AVL9: variants seen among roughly 807,000 people sequenced by gnomAD.
The protein encoded by AVL9 is AVL9 cell migration associated, also known as late secretory pathway protein AVL9 homolog.
A neutral mutation model predicts 79.2 loss-of-function variants in AVL9; 49 were observed. The observed-to-expected ratio is 0.62, with a 90% CI of 0.49 to 0.79. The LOEUF is 0.79. Ranked by LOEUF, AVL9 falls within the 30% of genes least tolerant of loss-of-function variation. The pLI is 0.00. For missense variants in AVL9, 682 were observed against 776.8 expected (o/e 0.88, Z 1.45); for synonymous variants, 299 against 280.6 (o/e 1.07, Z -0.65).
intron 2 of AVL9, among the ~76,000 whole-genome samples, chr7:32,544,010 C>T (rs1333485326): frequency 2.0e-5 from 3 of 151,950 alleles, no homozygotes; most frequent in African/African-American, 7.3e-5. Flanking sequence ...TCTCCTACCC[C>T]AGCCTTCCCA....
chr7:32,576,196 T>A, intron 13 of AVL9, 124 bp downstream of exon 13: 1 of 651,842 alleles, frequency 1.5e-6, no homozygotes, highest in Non-Finnish European at 2.7e-6. Flanking sequence ...AAGTAGGTCA[T>A]AAAAAGGCTC....
chr7:32,579,505 T>TTA (rs1189374447), intron 13 of AVL9, among the ~76,000 whole-genome samples: 1 of 7,578 alleles, frequency 1.3e-4, no homozygotes, highest in African/African-American at 5.7e-4. Context: ...ATATTATATA[T>TTA]TATATATTAT....
intron 11 of AVL9, among the ~76,000 whole-genome samples, chr7:32,571,784 A>G (rs1457852597): frequency 1.3e-5 from 2 of 152,102 alleles, no homozygotes; most frequent in East Asian, 1.9e-4. Flanking sequence ...GTGGGTGCGT[A>G]GGAATTTTTT....
At chr7:32,550,459 C>G (rs1480167328) in intron 4 of AVL9, among the ~76,000 whole-genome samples, 1 of 152,066 alleles carries the variant, frequency 6.6e-6, no homozygotes, top group Non-Finnish European at 1.5e-5. Flanking sequence ...TGTGGTTTTT[C>G]TGGTCTATGT....
chr7:32,510,700 G>A (rs1296056434), intron 1 of AVL9, among the ~76,000 whole-genome samples: 34 of 125,818 alleles, frequency 2.7e-4, no homozygotes, highest in South Asian at 1.1e-3. Context: ...GGAGTCTACA[G>A]TCCTGGCACT....
intron 1 of AVL9, among the ~76,000 whole-genome samples, chr7:32,509,624 C>A (rs67353579): frequency 6.6e-6 from 1 of 151,912 alleles, no homozygotes; most frequent in Non-Finnish European, 1.5e-5. Context: ...GCCGGGCGGG[C>A]GGATCACTTG....
At chr7:32,508,265 C>T (rs927867892) in intron 1 of AVL9, among the ~76,000 whole-genome samples, 5 of 152,040 alleles carry the variant, frequency 3.3e-5, no homozygotes, top group Non-Finnish European at 5.9e-5. Flanking sequence ...TTTTTAAATG[C>T]CATTTAAGAC....
At chr7:32,573,789 G>C (rs1290543239) in intron 12 of AVL9, among the ~76,000 whole-genome samples, 1 of 152,130 alleles carries the variant, frequency 6.6e-6, no homozygotes, top group Non-Finnish European at 1.5e-5. Context: ...GCAGCTGTTT[G>C]TGAATACTGC....
intron 1 of AVL9, among the ~76,000 whole-genome samples, chr7:32,496,693 A>G (rs1267358512): frequency 6.6e-6 from 1 of 152,222 alleles, no homozygotes; most frequent in South Asian, 2.1e-4. Context: ...ACCACTAGCT[A>G]ATGAAGCATT....
At chr7:32,539,633 A>C (rs1240501404) in intron 1 of AVL9, among the ~76,000 whole-genome samples, 1 of 152,224 alleles carries the variant, frequency 6.6e-6, no homozygotes, top group African/African-American at 2.4e-5. Flanking sequence ...AAAATTTAAC[A>C]GTATTTATTA....
chr7:32,580,701 A>T, intron 14 of AVL9, 101 bp from the exon 15 acceptor site: 1 of 715,922 alleles, frequency 1.4e-6, no homozygotes, highest in South Asian at 1.8e-5. Context: ...TTGGATGGTT[A>T]CAGAGTGACT....
Position 32,544,766 on chromosome 7 carries a change from A to C in AVL9, c.287A>C (p.Gln96Pro). ...ATVFGISCYR[Q>P]IEAKALKVRQ... ...GTATTTGGTATCTCTTGCTATCGACAAATTGAAGCCAAGGTACGATAGTTA... is the reference window on the plus strand; with the variant it reads ...GTATTTGGTATCTCTTGCTATCGACCAATTGAAGCCAAGGTACGATAGTTA... The change falls in exon 3 of 16, where the codon CAA becomes CCA. Residue 96 changes from glutamine (Q) to proline (P), a missense_variant. Coordinates refer to ENST00000318709, the MANE Select transcript of AVL9 (RefSeq NM_015060.3). The C allele has an allele frequency of 1.2e-6, 2 of 1,613,544 alleles. No homozygotes were observed. The highest frequency in any genetic ancestry group is 1.7e-6 in the Non-Finnish European group (2 of 1,179,662).
intron 1 of AVL9, among the ~76,000 whole-genome samples, chr7:32,507,720 C>G (rs1403868330): frequency 6.6e-6 from 1 of 152,144 alleles, no homozygotes; most frequent in Non-Finnish European, 1.5e-5. Context: ...TTAGATGTCT[C>G]TTGGTGCACG....
In AVL9 at chr7:32,571,608, G is replaced by A. The variant is rs563162596; in HGVS notation, c.1350+1454G>A. Among the ~76,000 whole-genome samples, 3 of 151,452 alleles carry A rather than the reference G, an allele frequency of 2.0e-5. No homozygotes were observed. The South Asian group carries it at 6.3e-4, about 32-fold the overall frequency. On this transcript the variant is annotated intron_variant, in intron 11 of 15. Coordinates refer to ENST00000318709, the MANE Select transcript of AVL9 (RefSeq NM_015060.3). ...AGAAAGTATGAAAACATGTTTCTTG[G>A]GTGAATGGTTATAATATAATGAAAG...
rs1041445385 is a variant in AVL9 at position 32,587,224 on chromosome 7, C to T, written c.*3317C>T. 2 of 152,104 alleles carry T rather than the reference C, an allele frequency of 1.3e-5. No individual in the cohort carries two copies. Among genetic ancestry groups the T allele is most frequent in the Admixed American group, 1.3e-4 (2 of 15,256 alleles). The allele number at this position is 152,104 out of a possible 1,614,324, so 9.4% of individuals were successfully genotyped here. On this transcript the variant is annotated 3_prime_UTR_variant, in exon 16 of 16. Coordinates refer to ENST00000318709, the MANE Select transcript of AVL9 (RefSeq NM_015060.3). ...GAGAAATTGTTGCATGGCTGAGGAA[C>T]AAGATGCTTAAAATCTGAATGGAAG... is the stretch of plus-strand genomic sequence containing the variant.
chr7:32,496,515 G>A (rs1191316473), intron 1 of AVL9, among the ~76,000 whole-genome samples: 1 of 152,190 alleles, frequency 6.6e-6, no homozygotes, highest in Non-Finnish European at 1.5e-5. Flanking sequence ...AATCATTAAT[G>A]CAGCATCTGA....
At position 32,586,453 on chromosome 7, in the gene AVL9, G is replaced by A. The variant is rs1177237960; in HGVS notation, c.*2546G>A. 6.7e-5 allele frequency: 5 copies of A among 74,368 alleles called. No homozygotes were observed. Among genetic ancestry groups the A allele is most frequent in the African/African-American group, 2.5e-4 (5 of 19,842 alleles). The allele number at this position is 74,368 out of a possible 1,614,324, so 4.6% of individuals were successfully genotyped here. ...TCAAAGGCAGGAAGCCTCACCCCTGGTCCTGTGACCCCCCCCCCCCACACA... is the reference window on the plus strand; with the variant it reads ...TCAAAGGCAGGAAGCCTCACCCCTGATCCTGTGACCCCCCCCCCCCACACA... On this transcript the variant is annotated 3_prime_UTR_variant, in exon 16 of 16. Coordinates refer to ENST00000318709, the MANE Select transcript of AVL9 (RefSeq NM_015060.3).
At chr7:32,578,981 C>G (rs1013298951) in intron 13 of AVL9, among the ~76,000 whole-genome samples, 1 of 151,826 alleles carries the variant, frequency 6.6e-6, no homozygotes, top group African/African-American at 2.4e-5. Context: ...TACAGCCATG[C>G]CAGGAACACA....
chr7:32,498,934 C>T (rs76887713), intron 1 of AVL9, among the ~76,000 whole-genome samples: 1 of 16 alleles, frequency 0.062, no homozygotes, highest in Non-Finnish European at 0.083. Context: ...GAGGCCGAGG[C>T]GGGTGGATCA....
Sources: gnomAD v4.1 joint callset for allele counts (sites outside exome capture counted in the v4.1 genomes callset) on GRCh38, gnomAD v4.1.1 for gene constraint, MANE v1.5 for transcripts, NCBI Gene and HGNC (gene_info 2026-07-23, HGNC 2026-07-21) for gene names.